RYR3: variants seen among roughly 807,000 people sequenced by gnomAD.
RYR3 encodes the protein brain ryanodine receptor-calcium release channel.
In RYR3, 207 loss-of-function variants were observed where a neutral mutation model predicts 584.3. The observed-to-expected ratio is 0.35, with a 90% CI of 0.32 to 0.40. The LOEUF is 0.40. Among genes scored for constraint, RYR3 ranks in the 10% least tolerant of loss-of-function variants. RYR3 has a pLI of 1.00. For synonymous variants in RYR3, 2,416 were observed against 2,248.5 expected (o/e 1.07, Z -2.11); for missense variants, 5,616 against 6,089.2 (o/e 0.92, Z 2.59).
At position 33,662,674 on chromosome 15, in the gene RYR3, G is replaced by A. The variant is rs756272113; in HGVS notation, c.5144G>A (p.Gly1715Glu). 1 of 1,614,180 alleles carries A rather than the reference G, an allele frequency of 6.2e-7. No homozygotes were observed. The highest frequency in any genetic ancestry group is 8.5e-7 in the Non-Finnish European group (1 of 1,180,008). ...CSGAHIRDPV[G>E]GSVEFQFVPV... ...GGGGCCCACATCCGAGACCCTGTAG[G>A]GGGGTCTGTGGAGTTCCAGTTTGTG... The change falls in exon 35 of 104, where the codon GGG becomes GAG. Residue 1715 changes from glycine (G) to glutamate (E), a missense_variant. By Grantham distance (98) the Gly-to-Glu change is moderately conservative. Coordinates refer to ENST00000634891, the MANE Select transcript of RYR3 (RefSeq NM_001036.6).
chr15:33,468,619 A>G (rs1346886357), intron 1 of RYR3, among the ~76,000 whole-genome samples: 1 of 152,234 alleles, frequency 6.6e-6, no homozygotes, highest in African/African-American at 2.4e-5. Flanking sequence ...CATTTTTACA[A>G]AACACATTAT....
chr15:33,427,802 C>T (rs1194413748), intron 1 of RYR3, among the ~76,000 whole-genome samples: 1 of 152,306 alleles, frequency 6.6e-6, no homozygotes, highest in Non-Finnish European at 1.5e-5. Context: ...ATTAGTCAGA[C>T]ACTAAAGGAG....
chr15:33,761,503 T>C (rs936341037), intron 60 of RYR3, among the ~76,000 whole-genome samples: 23 of 152,052 alleles, frequency 1.5e-4, no homozygotes, highest in African/African-American at 5.6e-4. Flanking sequence ...AAATCTAGAA[T>C]AAATGGATAA....
intron 16 of RYR3, among the ~76,000 whole-genome samples, chr15:33,590,567 G>T (rs1178214583): frequency 2.6e-5 from 4 of 151,088 alleles, no homozygotes; most frequent in African/African-American, 9.7e-5. Context: ...TGTGTCATCT[G>T]CAATTTCTTT....
chr15:33,492,692 G>A (rs1465279227), intron 2 of RYR3, among the ~76,000 whole-genome samples: 1 of 152,128 alleles, frequency 6.6e-6, no homozygotes, highest in African/African-American at 2.4e-5. Context: ...GACCCAGTAC[G>A]CTAGAGGTGC....
chr15:33,779,846 A>T (rs1429927210), intron 64 of RYR3, among the ~76,000 whole-genome samples: 1 of 144,166 alleles, frequency 6.9e-6, no homozygotes, highest in African/African-American at 2.4e-5. Flanking sequence ...ACTAAAAAAA[A>T]AAATAGAAAA....
chr15:33,770,698 G>T (rs1567137104), intron 62 of RYR3, among the ~76,000 whole-genome samples: 4 of 151,954 alleles, frequency 2.6e-5, no homozygotes, highest in Admixed American at 6.6e-5. Context: ...AGAGGTCACT[G>T]CACTCCAGCC....
At chr15:33,393,614 A>G (rs931081554) in intron 1 of RYR3, among the ~76,000 whole-genome samples, 4 of 152,206 alleles carry the variant, frequency 2.6e-5, no homozygotes, top group East Asian at 1.9e-4. Flanking sequence ...CAACTCAAGG[A>G]CAATTCGACA....
At position 33,613,143 on chromosome 15, in the gene RYR3, C is replaced by T; in HGVS notation, c.2165-40C>T. 3.2e-6 allele frequency: 5 copies of T among 1,555,460 alleles called. 1 individual carries two copies. In the South Asian group the frequency reaches 5.7e-5, roughly 18 times the overall value. On this transcript the variant is annotated intron_variant, in intron 18 of 103. Coordinates refer to ENST00000634891, the MANE Select transcript of RYR3 (RefSeq NM_001036.6). ...GCCTTTCTCAGCCTAGCAGGTGCCTCCAGAGTTCCACAGCCTTCTTCCTGT... is the reference window on the plus strand; with the variant it reads ...GCCTTTCTCAGCCTAGCAGGTGCCTTCAGAGTTCCACAGCCTTCTTCCTGT...
intron 42 of RYR3, among the ~76,000 whole-genome samples, chr15:33,704,585 C>T (rs576084280): frequency 2.6e-5 from 4 of 152,292 alleles, no homozygotes; most frequent in Admixed American, 6.5e-5. Context: ...CTCTGTTATT[C>T]GTACATTTAG....
chr15:33,430,431 A>G (rs1020334310), intron 1 of RYR3, among the ~76,000 whole-genome samples: 2 of 152,192 alleles, frequency 1.3e-5, no homozygotes, highest in Admixed American at 6.5e-5. Flanking sequence ...AGATTTTCTG[A>G]TTTGCAATTG....
intron 1 of RYR3, among the ~76,000 whole-genome samples, chr15:33,405,026 G>A (rs889913621): frequency 6.6e-6 from 1 of 152,082 alleles, no homozygotes; most frequent in South Asian, 2.1e-4. Context: ...TGTCTCATTT[G>A]GTAAATTGAA....
chr15:33,765,494 A>G (rs139888022), intron 60 of RYR3, among the ~76,000 whole-genome samples: 1 of 151,788 alleles, frequency 6.6e-6, no homozygotes, highest in South Asian at 2.1e-4. Context: ...TTAGCCGGGC[A>G]TGGTAGCACA....
chr15:33,686,617 C>T (rs2065027953), intron 38 of RYR3, among the ~76,000 whole-genome samples: 1 of 151,994 alleles, frequency 6.6e-6, no homozygotes, highest in Admixed American at 6.6e-5. Flanking sequence ...GGCAGAGACA[C>T]AACAAAAAAA....
At position 33,825,599 on chromosome 15, in the gene RYR3, A is replaced by G; in HGVS notation, c.11073-4A>G. 1 of 1,607,768 alleles carries G rather than the reference A, an allele frequency of 6.2e-7. No homozygotes were observed. Among genetic ancestry groups the G allele is most frequent in the South Asian group, 1.1e-5 (1 of 90,428 alleles). On this transcript the variant is annotated splice_polypyrimidine_tract_variant and splice_region_variant and intron_variant, in intron 81 of 103. Coordinates refer to ENST00000634891, the MANE Select transcript of RYR3 (RefSeq NM_001036.6). ...GAACCTTGTTTCTTTCTGTCTATTAAAAGTGTCCTTGATTTGAATGCATTT... is the reference window on the plus strand; with the variant it reads ...GAACCTTGTTTCTTTCTGTCTATTAGAAGTGTCCTTGATTTGAATGCATTT...
chr15:33,320,722 C>A (rs1189426821), intron 1 of RYR3, among the ~76,000 whole-genome samples: 1 of 152,152 alleles, frequency 6.6e-6, no homozygotes, highest in Non-Finnish European at 1.5e-5. Flanking sequence ...AGGATTGTTG[C>A]AAGGATTAAA....
intron 12 of RYR3, among the ~76,000 whole-genome samples, chr15:33,573,125 T>A (rs200979892): frequency 4.1e-5 from 1 of 24,366 alleles, no homozygotes; most frequent in Admixed American, 8.7e-4. Flanking sequence ...ACTGAGCTCT[T>A]TATTCAGCTG....
At chr15:33,800,403 A>G (rs1429307098) in intron 67 of RYR3, among the ~76,000 whole-genome samples, 1 of 152,232 alleles carries the variant, frequency 6.6e-6, no homozygotes, top group Non-Finnish European at 1.5e-5. Context: ...TATATATTAA[A>G]GGAAGCATGT....
At chr15:33,654,162 C>T (rs2062679517) in intron 32 of RYR3, among the ~76,000 whole-genome samples, 1 of 152,038 alleles carries the variant, frequency 6.6e-6, no homozygotes. Context: ...CCATCACAAG[C>T]AGTCAGGAGA....
Sources: gnomAD v4.1 joint callset for allele counts (sites outside exome capture counted in the v4.1 genomes callset) on GRCh38, gnomAD v4.1.1 for gene constraint, MANE v1.5 for transcripts, NCBI Gene and HGNC (gene_info 2026-07-23, HGNC 2026-07-21) for gene names.